Variants in SRP54 observed in about 807,000 individuals in gnomAD.
SRP54 encodes the protein signal recognition particle 54.
SRP54 carries 10 observed loss-of-function variants against 64.8 expected under a neutral mutation model. The observed-to-expected ratio is 0.15, with a 90% CI of 0.10 to 0.26. The LOEUF (loss-of-function observed/expected upper bound fraction) is 0.26. SRP54 is among the 10% of genes least tolerant of loss of function. SRP54 has a pLI of 1.00. For synonymous variants in SRP54, 193 were observed against 185.6 expected, an observed-to-expected ratio of 1.04 and a Z score of -0.32; for missense variants, 325 against 613.7, an observed-to-expected ratio of 0.53 and a Z score of 4.97.
At chr14:34,986,232 TGAA>T (rs1358441451) in intron 1 of SRP54, among the ~76,000 whole-genome samples, 2 of 152,214 alleles carry the variant, frequency 1.3e-5, no homozygotes, top group East Asian at 1.9e-4. Flanking sequence ...ATTACTTTAA[TGAA>T]GAGAAAGTTG....
chr14:34,989,475 A>G, intron 1 of SRP54, among the ~76,000 whole-genome samples: 1 of 152,200 alleles, frequency 6.6e-6, no homozygotes, highest in African/African-American at 2.4e-5. Context: ...GTCTCAAAAA[A>G]AAAAAGAACT....
At chr14:35,019,915 C>T (rs1032005772) in intron 13 of SRP54, among the ~76,000 whole-genome samples, 2 of 152,158 alleles carry the variant, frequency 1.3e-5, no homozygotes, top group African/African-American at 2.4e-5. Flanking sequence ...CGCAGTGGCT[C>T]ACGACGCCTG....
At chr14:34,999,014 G>GTGGT (rs2044128296) in intron 2 of SRP54, among the ~76,000 whole-genome samples, 94 of 36,674 alleles carry the variant, frequency 2.6e-3, no homozygotes, top group Non-Finnish European at 3.2e-3. Context: ...TGTGTGTGTG[G>GTGGT]TTTTTTTTTT....
At chr14:34,999,177 G>A (rs887951491) in intron 2 of SRP54, among the ~76,000 whole-genome samples, 25 of 151,792 alleles carry the variant, frequency 1.6e-4, no homozygotes, top group Non-Finnish European at 3.1e-4. Context: ...ACCATGCCCA[G>A]CTCATTTTTG....
At chr14:35,014,649 A>G in intron 10 of SRP54, 95 bp from the exon 11 acceptor site, 2 of 953,146 alleles carry the variant, frequency 2.1e-6, no homozygotes, top group East Asian at 4.9e-5. Flanking sequence ...AACCTATTAT[A>G]ACCTCACAAG....
At chr14:35,021,303 C>T (rs2044525671) in intron 13 of SRP54, among the ~76,000 whole-genome samples, 2 of 152,134 alleles carry the variant, frequency 1.3e-5, no homozygotes, top group South Asian at 4.2e-4. Context: ...TGTCATCCAG[C>T]GAAAATTCAC....
intron 1 of SRP54, among the ~76,000 whole-genome samples, chr14:34,994,613 C>T (rs1243407128): frequency 6.6e-6 from 1 of 151,976 alleles, no homozygotes; most frequent in Admixed American, 6.6e-5. Context: ...TAAGTATGTC[C>T]CAGACTTACC....
intron 4 of SRP54, among the ~76,000 whole-genome samples, chr14:35,005,860 G>A (rs2044248932): frequency 6.6e-6 from 1 of 151,628 alleles, no homozygotes; most frequent in African/African-American, 2.4e-5. Flanking sequence ...TTGTTTTTGA[G>A]ATGGAGTCTC....
chr14:35,016,449 T>C (rs2044439316), intron 11 of SRP54, among the ~76,000 whole-genome samples: 1 of 152,210 alleles, frequency 6.6e-6, no homozygotes, highest in Non-Finnish European at 1.5e-5. Context: ...CATTCCTGTC[T>C]CTCACATCTG....
intron 1 of SRP54, among the ~76,000 whole-genome samples, chr14:34,988,291 C>T (rs961589111): frequency 2.6e-5 from 4 of 151,384 alleles, no homozygotes; most frequent in Non-Finnish European, 5.9e-5. Flanking sequence ...AAGCTGGGTG[C>T]GGTGGTTCAC....
Position 35,019,046 on chromosome 14 carries a change from G to T in SRP54, c.1128G>T (p.Met376Ile). ...CAATGGCAAGGCTAAAGAAATTAAT[G>T]ACAATAATGGATAGTATGAATGATC... ...QESMARLKKL[M>I]TIMDSMNDQE... The change falls in exon 13 of 16, where the codon ATG becomes ATT. Residue 376 changes from methionine (M) to isoleucine (I), a missense_variant. This residue lies in a region of SRP54 where 146 missense variants were observed against 337.4 expected (regional missense o/e 0.43). Coordinates refer to ENST00000216774, the MANE Select transcript of SRP54 (RefSeq NM_003136.4). The T allele has an allele frequency of 6.2e-7, 1 of 1,613,046 alleles. No individual in the cohort carries two copies. Among genetic ancestry groups the T allele is most frequent in the South Asian group, 1.1e-5 (1 of 90,998 alleles).
chr14:34,999,668 G>A lies in SRP54; in HGVS notation c.170+19G>A, dbSNP rs764107313. 2 of 1,546,848 alleles carry A rather than the reference G, an allele frequency of 1.3e-6. No homozygotes were observed. Among genetic ancestry groups the A allele is most frequent in the Non-Finnish European group, 1.8e-6 (2 of 1,119,778 alleles). On this transcript the variant is annotated intron_variant, in intron 3 of 15. Coordinates refer to ENST00000216774, the MANE Select transcript of SRP54 (RefSeq NM_003136.4). The stretch of plus-strand genomic sequence containing the variant: ...ATGTTAAGTAAGTTAAATCAATCAG[G>A]TAAAACACAGGCACAGTTTAGTTTA...
intron 11 of SRP54, among the ~76,000 whole-genome samples, chr14:35,017,212 G>T (rs2044458245): frequency 6.6e-6 from 1 of 152,096 alleles, no homozygotes; most frequent in East Asian, 1.9e-4. Context: ...CCACTATGAA[G>T]CTGGGTGTAT....
intron 1 of SRP54, among the ~76,000 whole-genome samples, chr14:34,983,750 C>G (rs2043846961): frequency 6.6e-6 from 1 of 152,228 alleles, no homozygotes; most frequent in Non-Finnish European, 1.5e-5. Flanking sequence ...GATTCTTTCA[C>G]ATGCTTAATT....
intron 4 of SRP54, among the ~76,000 whole-genome samples, chr14:35,005,466 A>G (rs2044241899): frequency 6.6e-6 from 1 of 152,176 alleles, no homozygotes; most frequent in Non-Finnish European, 1.5e-5. Flanking sequence ...GCCTGATGAT[A>G]GCTCATTGCA....
intron 8 of SRP54, among the ~76,000 whole-genome samples, chr14:35,012,094 G>A (rs1595002421): frequency 6.6e-6 from 1 of 151,764 alleles, no homozygotes; most frequent in East Asian, 1.9e-4. Flanking sequence ...GTGGGTGCCT[G>A]TAATCCCAGC....
At chr14:35,001,928 T>C (rs2044179583) in intron 4 of SRP54, among the ~76,000 whole-genome samples, 1 of 151,822 alleles carries the variant, frequency 6.6e-6, no homozygotes, top group East Asian at 1.9e-4. Context: ...AGTCCAGGCA[T>C]GGTGGCTCAT....
chr14:35,013,762 G>T (rs775021751), intron 9 of SRP54, 40 bp from the exon 10 acceptor site: 4 of 1,536,364 alleles, frequency 2.6e-6, no homozygotes, highest in South Asian at 1.2e-5. Flanking sequence ...AATTTGTGGG[G>T]TTCTTTTGAG....
At chr14:34,988,725 G>A (rs1414294767) in intron 1 of SRP54, among the ~76,000 whole-genome samples, 2 of 150,996 alleles carry the variant, frequency 1.3e-5, no homozygotes, top group Non-Finnish European at 2.9e-5. Flanking sequence ...AAAATATTTA[G>A]TATTAAAGTC....
Sources: gnomAD v4.1 joint callset for allele counts (sites outside exome capture counted in the v4.1 genomes callset) on GRCh38, gnomAD v4.1.1 for gene constraint, gnomAD v4.1.1 regional missense constraint, MANE v1.5 for transcripts, NCBI Gene and HGNC (gene_info 2026-07-23, HGNC 2026-07-21) for gene names.